The following IPO11 variants were observed in gnomAD, a reference collection of about 807,000 sequenced individuals.
The protein encoded by IPO11 is importin 11.
In IPO11, 66 loss-of-function variants were observed where a neutral mutation model predicts 143.2. That is an observed-to-expected ratio of 0.46 (90% CI 0.38 to 0.57). The LOEUF (loss-of-function observed/expected upper bound fraction) is 0.57, where lower values mean the gene tolerates loss of function less well. Among genes scored for constraint, IPO11 ranks in the 20% least tolerant of loss-of-function variants. The pLI, the probability that IPO11 is intolerant of heterozygous loss-of-function variation, is 0.00. For synonymous variants in IPO11, 385 were observed against 377.8 expected (o/e 1.02, Z -0.22); for missense variants, 1,026 against 1,141.0 (o/e 0.90, Z 1.45).
In IPO11 at chr5:62,561,172, G is replaced by A. The variant is rs780980239; in HGVS notation, c.2497G>A (p.Val833Ile). The change falls in exon 27 of 30, where the codon GTT (valine) becomes ATT (isoleucine). Residue 833 changes from valine to isoleucine, a missense_variant. By Grantham distance (29) the Val-to-Ile change is conservative (BLOSUM62 3). Transcript: ENST00000325324. ...QLLGNMIEMW[V>I]DRMDNITQPE... Reference sequence around the variant, plus strand: ...TTTGGGAAATATGATTGAAATGTGGGTTGATCGAATGGACAACATTACCCA... The same window carrying A: ...TTTGGGAAATATGATTGAAATGTGGATTGATCGAATGGACAACATTACCCA... 1 of 1,610,234 alleles carries A rather than the reference G, an allele frequency of 6.2e-7. No individual in the cohort carries two copies. Among genetic ancestry groups the A allele is most frequent in the South Asian group, 1.1e-5 (1 of 90,362 alleles).
At chr5:62,614,643 C>T (rs1250514796) in intron 29 of IPO11, among the ~76,000 whole-genome samples, 1 of 152,168 alleles carries the variant, frequency 6.6e-6, no homozygotes, top group Admixed American at 6.5e-5. Flanking sequence ...GGGCAAATAC[C>T]CCTGGGCTCC....
At chr5:62,484,258 CTT>C (rs1746315956) in intron 11 of IPO11, 96 bp downstream of exon 11, 1 of 986,082 alleles carries the variant, frequency 1.0e-6, no homozygotes, top group Non-Finnish European at 1.4e-6. Flanking sequence ...TCATACAGCA[CTT>C]TTGATCTGGA....
intron 16 of IPO11, among the ~76,000 whole-genome samples, chr5:62,500,639 A>T (rs1741315700): frequency 6.6e-6 from 1 of 152,144 alleles, no homozygotes; most frequent in African/African-American, 2.4e-5. Flanking sequence ...CTGGGATTAC[A>T]AGTGCATGTT....
intron 20 of IPO11, among the ~76,000 whole-genome samples, chr5:62,523,373 TA>T (rs1264718523): frequency 1.3e-5 from 2 of 152,136 alleles, no homozygotes; most frequent in Non-Finnish European, 2.9e-5. Flanking sequence ...AGAGCTTGTA[TA>T]GGGGGAACTG....
At chr5:62,627,065 G>A (rs1191010041) in intron 29 of IPO11, 89 bp from the exon 30 acceptor site, 39 of 1,179,644 alleles carry the variant, frequency 3.3e-5, no homozygotes, top group Non-Finnish European at 4.6e-5. Flanking sequence ...TGTTACTGTA[G>A]AAGAGATTAC....
chr5:62,446,422 G>A (rs1744724577), intron 3 of IPO11, among the ~76,000 whole-genome samples: 2 of 152,146 alleles, frequency 1.3e-5, no homozygotes. Context: ...ACATACGAGT[G>A]TTTGTATTTG....
At chr5:62,509,612 G>C (rs551124366) in intron 19 of IPO11, among the ~76,000 whole-genome samples, 16 of 152,238 alleles carry the variant, frequency 1.1e-4, no homozygotes, top group African/African-American at 3.6e-4. Flanking sequence ...TATTCATCTT[G>C]TTTACCTGAA....
At chr5:62,461,473 G>T (rs1196478689) in intron 5 of IPO11, among the ~76,000 whole-genome samples, 1 of 152,170 alleles carries the variant, frequency 6.6e-6, no homozygotes, top group Non-Finnish European at 1.5e-5. Context: ...GCCTAGTTAG[G>T]ACAAAGATTC....
chr5:62,513,027 C>A (rs1276600496), intron 19 of IPO11, among the ~76,000 whole-genome samples: 3 of 150,218 alleles, frequency 2.0e-5, no homozygotes, highest in East Asian at 2.0e-4. Flanking sequence ...TCAATCTTTT[C>A]CCCACCTTGC....
intron 9 of IPO11, among the ~76,000 whole-genome samples, chr5:62,481,505 CT>C (rs1746209535): frequency 6.6e-6 from 1 of 151,994 alleles, no homozygotes; most frequent in South Asian, 2.1e-4. Flanking sequence ...TTTTCTGCAT[CT>C]ATTGAGATAA....
At chr5:62,427,799 G>A (rs1743812610) in intron 1 of IPO11, among the ~76,000 whole-genome samples, 1 of 152,124 alleles carries the variant, frequency 6.6e-6, no homozygotes, top group South Asian at 2.1e-4. Context: ...CATGAAACCA[G>A]TCCCTGGTAC....
At chr5:62,422,707 G>A (rs543661878) in intron 1 of IPO11, 5 of 152,264 alleles carry the variant, frequency 3.3e-5, no homozygotes, top group Admixed American at 6.5e-5. Context: ...AAAAACTCCC[G>A]GTGAGACAGA....
At chr5:62,475,906 C>T (rs1469105201) in intron 8 of IPO11, among the ~76,000 whole-genome samples, 1 of 152,246 alleles carries the variant, frequency 6.6e-6, no homozygotes, top group Non-Finnish European at 1.5e-5. Context: ...TGTGTGCACA[C>T]ACAAGTGTGT....
intron 1 of IPO11, among the ~76,000 whole-genome samples, chr5:62,434,686 A>G (rs1220702641): frequency 6.6e-6 from 1 of 152,102 alleles, no homozygotes; most frequent in Non-Finnish European, 1.5e-5. Flanking sequence ...TTTAAAAAAT[A>G]TTGGTTACAT....
At chr5:62,521,730 C>T (rs949224063) in intron 20 of IPO11, among the ~76,000 whole-genome samples, 3 of 151,604 alleles carry the variant, frequency 2.0e-5, no homozygotes, top group East Asian at 1.9e-4. Flanking sequence ...TGTTTCCTTC[C>T]TGCTTTTTTT....
rs941668762 is a variant in IPO11 at position 62,530,651 on chromosome 5, A to G, written c.2013-58A>G. 5.9e-6 allele frequency: 6 copies of G among 1,023,202 alleles called. No individual in the cohort carries two copies. In the South Asian group the frequency reaches 7.9e-5, roughly 13 times the overall value. 63.4% of individuals were successfully genotyped at this position (1,023,202 alleles called of 1,614,324 possible). A position where few individuals can be genotyped will look rare whatever the true frequency, so the allele number is the denominator to read the frequency against. ...AGACCTTTTAAAATATTTAAGTCAT[A>G]TGTTAATGGCTTTAATGGGCATGGA... On this transcript the variant is annotated intron_variant, in intron 21 of 29. Transcript: ENST00000325324.
chr5:62,422,456 C>T (rs903774926), intron 1 of IPO11: 5 of 152,248 alleles, frequency 3.3e-5, no homozygotes, highest in African/African-American at 1.2e-4. Context: ...ATAAGCATAA[C>T]TGCTGTTCCT....
At chr5:62,420,451 A>G (rs1338399630) in intron 1 of IPO11, among the ~76,000 whole-genome samples, 1 of 152,226 alleles carries the variant, frequency 6.6e-6, no homozygotes, top group Non-Finnish European at 1.5e-5. Context: ...CATCACCACT[A>G]ACGTGTGAGT....
Position 62,586,762 on chromosome 5 carries a change from AAAAAAAATATATATATATAT to A in IPO11, c.2583-4813_2583-4794del, listed in dbSNP as rs1470707865. The stretch of plus-strand genomic sequence containing the variant: ...GCAAAACTCAGTCTCCAAAAAAAAA[AAAAAAAATATATATATATAT>A]ATATATATATATATATATATTCATG... On this transcript the variant is annotated intron_variant, in intron 27 of 29. Transcript: ENST00000325324. 1.2e-4 allele frequency among the ~76,000 whole-genome samples: 10 copies of A among 86,476 alleles called. 1 individual carries two copies. The highest frequency in any genetic ancestry group is 4.6e-4 in the African/African-American group (10 of 21,962). The allele number at this position is 86,476 out of a possible 152,430, so 56.7% of individuals were successfully genotyped here. A position where few individuals can be genotyped will look rare whatever the true frequency, so the allele number is the denominator to read the frequency against.
Sources: allele counts gnomAD v4.1 joint callset (sites outside exome capture counted in the v4.1 genomes callset), GRCh38; gene constraint gnomAD v4.1.1; transcripts MANE v1.5; gene names NCBI Gene and HGNC (gene_info 2026-07-23, HGNC 2026-07-21).